B3GALT1: variants seen among roughly 807,000 people sequenced by gnomAD.
B3GALT1 encodes beta-1,3-galactosyltransferase 1, also known as UDP-Gal:betaGlcNAc beta 1,3-galactosyltransferase, polypeptide 1.
B3GALT1 carries 10 observed loss-of-function variants against 23.2 expected under a neutral mutation model. The observed-to-expected ratio is 0.43, with a 90% CI of 0.27 to 0.73. B3GALT1 has a LOEUF of 0.73. Ranked by LOEUF, B3GALT1 falls within the 30% of genes least tolerant of loss-of-function variation. The pLI is 0.21. For synonymous variants in B3GALT1, 156 were observed against 141.5 expected (o/e 1.10, Z -0.73); for missense variants, 299 against 405.4 (o/e 0.74, Z 2.25).
At chr2:167,324,307 A>G (rs753082242) in intron 1 of B3GALT1, among the ~76,000 whole-genome samples, 15 of 151,956 alleles carry the variant, frequency 9.9e-5, no homozygotes, top group Non-Finnish European at 1.6e-4. Context: ...AAAATTTTCC[A>G]GGTATATAGA....
chr2:167,588,536 T>C (rs1684617580), intron 2 of B3GALT1, among the ~76,000 whole-genome samples: 1 of 152,150 alleles, frequency 6.6e-6, no homozygotes. Context: ...TCCACACTCA[T>C]ACGAACAATG....
chr2:167,524,118 C>T (rs1230667192), intron 2 of B3GALT1, among the ~76,000 whole-genome samples: 1 of 152,084 alleles, frequency 6.6e-6, no homozygotes, highest in East Asian at 1.9e-4. Flanking sequence ...TTATCCTTAC[C>T]AGCATACCAC....
At chr2:167,578,345 T>A (rs954402813) in intron 2 of B3GALT1, among the ~76,000 whole-genome samples, 5 of 151,958 alleles carry the variant, frequency 3.3e-5, no homozygotes, top group Non-Finnish European at 7.4e-5. Context: ...CGAAATCCCA[T>A]GGCAGTAGGT....
chr2:167,755,830 C>T (rs975861357), intron 3 of B3GALT1, among the ~76,000 whole-genome samples: 4 of 151,834 alleles, frequency 2.6e-5, no homozygotes, highest in Admixed American at 6.6e-5. Context: ...AATAAATTAG[C>T]CAGGCATAGT....
At chr2:167,837,096 A>T (rs1689497635) in intron 4 of B3GALT1, among the ~76,000 whole-genome samples, 1 of 152,250 alleles carries the variant, frequency 6.6e-6, no homozygotes, top group Non-Finnish European at 1.5e-5. Flanking sequence ...AAGACCATCG[A>T]GGCTAGGAAG....
At chr2:167,334,676 A>G (rs1161038418) in intron 1 of B3GALT1, among the ~76,000 whole-genome samples, 1 of 152,246 alleles carries the variant, frequency 6.6e-6, no homozygotes, top group Non-Finnish European at 1.5e-5. Flanking sequence ...AAGCTATTTT[A>G]GCATGCCATT....
At chr2:167,402,113 A>G (rs1439265075) in intron 1 of B3GALT1, among the ~76,000 whole-genome samples, 2 of 152,144 alleles carry the variant, frequency 1.3e-5, no homozygotes, top group African/African-American at 4.8e-5. Context: ...AATAATAACA[A>G]TATTATAGAT....
chr2:167,421,890 A>G (rs1698551064), intron 1 of B3GALT1, among the ~76,000 whole-genome samples: 1 of 152,244 alleles, frequency 6.6e-6, no homozygotes, highest in African/African-American at 2.4e-5. Context: ...GTAAAGAAGT[A>G]GTAAGTAAGC....
intron 2 of B3GALT1, among the ~76,000 whole-genome samples, chr2:167,605,856 ATATAGTT>A (rs953749236): frequency 1.3e-5 from 2 of 152,132 alleles, no homozygotes; most frequent in Non-Finnish European, 1.5e-5. Flanking sequence ...ATGCTCAGAG[ATATAGTT>A]TATAGAGTTA....
intron 2 of B3GALT1, among the ~76,000 whole-genome samples, chr2:167,580,059 C>T (rs990044761): frequency 1.3e-5 from 2 of 152,066 alleles, no homozygotes; most frequent in Non-Finnish European, 2.9e-5. Flanking sequence ...TTGGGAAACA[C>T]GGTGTTGGAT....
At chr2:167,614,047 A>C (rs189342473) in intron 2 of B3GALT1, among the ~76,000 whole-genome samples, 3 of 151,832 alleles carry the variant, frequency 2.0e-5, no homozygotes, top group Non-Finnish European at 2.9e-5. Context: ...GTTCTAGCAA[A>C]TGTAATAAAA....
intron 3 of B3GALT1, chr2:167,714,820 A>G: frequency 6.2e-7 from 1 of 1,611,846 alleles, no homozygotes. Flanking sequence ...CTTCCACTTT[A>G]GAAAGCTTCT....
chr2:167,421,913 C>A (rs1017695734), intron 1 of B3GALT1, among the ~76,000 whole-genome samples: 1 of 152,118 alleles, frequency 6.6e-6, no homozygotes, highest in African/African-American at 2.4e-5. Flanking sequence ...TAGAATTTAA[C>A]CTATTAGGAA....
chr2:167,729,940 A>G lies in B3GALT1; in HGVS notation c.-352+82974A>G, dbSNP rs535470694. On this transcript the variant is annotated intron_variant, in intron 3 of 4. Coordinates refer to ENST00000392690, the MANE Select transcript of B3GALT1 (RefSeq NM_020981.4). ...CCAATTAGACCCATTTCTCCTTCATAGGGGGAATTCCAGGGGGTGTGAGTT... is the reference window on the plus strand; with the variant it reads ...CCAATTAGACCCATTTCTCCTTCATGGGGGGAATTCCAGGGGGTGTGAGTT... Among the ~76,000 whole-genome samples, 79 of 152,164 alleles carry G rather than the reference A, an allele frequency of 5.2e-4. 1 individual carries two copies. The highest frequency in any genetic ancestry group is 1.9e-4 in the Non-Finnish European group (13 of 68,000).
chr2:167,608,548 A>G (rs1462511465), intron 2 of B3GALT1, among the ~76,000 whole-genome samples: 1 of 141,170 alleles, frequency 7.1e-6, no homozygotes, highest in Non-Finnish European at 1.5e-5. Context: ...TGGTTATATA[A>G]CATATTTCTT....
chr2:167,588,778 G>T (rs895821723), intron 2 of B3GALT1, among the ~76,000 whole-genome samples: 11 of 151,516 alleles, frequency 7.3e-5, no homozygotes, highest in African/African-American at 2.7e-4. Context: ...AAAGAAAATG[G>T]TTATATATAT....
chr2:167,370,371 G>T (rs2105268978), intron 1 of B3GALT1, among the ~76,000 whole-genome samples: 1 of 80,728 alleles, frequency 1.2e-5, no homozygotes, highest in East Asian at 4.9e-4. Context: ...ACAGAACCAA[G>T]AGTTTCTTTG....
rs1186464573 is a variant in B3GALT1 at position 167,464,483 on chromosome 2, C to G, written c.-510-25694C>G. 2.0e-5 allele frequency among the ~76,000 whole-genome samples: 3 copies of G among 152,006 alleles called. No homozygotes were observed. The East Asian group carries it at 5.8e-4, about 29-fold the overall frequency. On this transcript the variant is annotated intron_variant, in intron 1 of 4. Transcript: ENST00000392690. The stretch of plus-strand genomic sequence containing the variant: ...TTAAGAAGAAAAATATAATCCAAAC[C>G]ATTTCTAGAAATAAAATGTACAGTG...
At chr2:167,594,726 A>G (rs1281490372) in intron 2 of B3GALT1, among the ~76,000 whole-genome samples, 2 of 152,146 alleles carry the variant, frequency 1.3e-5, no homozygotes, top group African/African-American at 2.4e-5. Context: ...CAGCCTGGCC[A>G]ACGTGGTGAA....
Sources: allele counts gnomAD v4.1 joint callset (sites outside exome capture counted in the v4.1 genomes callset), GRCh38; gene constraint gnomAD v4.1.1; transcripts MANE v1.5; gene names NCBI Gene and HGNC (gene_info 2026-07-23, HGNC 2026-07-21).